The following MGAM variants were observed in gnomAD, a reference collection of about 807,000 sequenced individuals.
MGAM encodes maltase-glucoamylase.
MGAM carries 253 observed loss-of-function variants against 358.8 expected under a neutral mutation model. That is an observed-to-expected ratio of 0.71 (90% CI 0.64 to 0.78). The LOEUF (loss-of-function observed/expected upper bound fraction) is 0.78, where lower values mean the gene tolerates loss of function less well. Ranked by LOEUF, MGAM falls within the 30% of genes least tolerant of loss-of-function variation. MGAM has a pLI of 0.00. For missense variants in MGAM, 3,080 were observed against 3,432.6 expected (o/e 0.90, Z 2.57); for synonymous variants, 1,105 against 1,227.1 (o/e 0.90, Z 2.08).
intron 2 of MGAM, among the ~76,000 whole-genome samples, chr7:141,987,956 C>G (rs1803780863): frequency 6.6e-6 from 1 of 152,112 alleles, no homozygotes; most frequent in Admixed American, 6.5e-5. Flanking sequence ...CCTGCCTTAT[C>G]TTAAAGGATT....
chr7:142,070,206 AAAAG>A (rs201042045), intron 43 of MGAM, among the ~76,000 whole-genome samples: 1,725 of 144,712 alleles, frequency 0.012, 79 homozygotes, highest in African/African-American at 0.04. Context: ...AAAAAAAAAA[AAAAG>A]AAAGAGATGA....
At chr7:142,019,521 C>T (rs1806249024) in intron 4 of MGAM, among the ~76,000 whole-genome samples, 1 of 152,204 alleles carries the variant, frequency 6.6e-6, no homozygotes, top group African/African-American at 2.4e-5. Flanking sequence ...GTTGAGAGAC[C>T]ATGTCCTCTT....
intron 70 of MGAM, among the ~76,000 whole-genome samples, chr7:142,105,318 C>T (rs1816755713): frequency 6.6e-6 from 1 of 150,480 alleles, no homozygotes; most frequent in South Asian, 2.1e-4. Context: ...GACTGAGTCT[C>T]ACTCTGTTGC....
In MGAM at chr7:142,021,656, C is replaced by T; in HGVS notation, c.629C>T (p.Ala210Val). The T allele has an allele frequency of 1.2e-6, 2 of 1,613,946 alleles. No individual in the cohort carries two copies. The highest frequency in any genetic ancestry group is 1.7e-6 in the Non-Finnish European group (2 of 1,179,818). The change falls in exon 6 of 71, where the codon GCT becomes GTT. Residue 210 changes from alanine to valine, a missense_variant. Around this residue, in one of 5 missense-constraint regions of MGAM, gnomAD observed 1,816 missense variants for 1,840.5 expected, o/e 0.99. Coordinates refer to ENST00000475668, the MANE Select transcript of MGAM (RefSeq NM_001365693.1). ...GTGCAGTCCTTCAGTGGAAATGCTGCTGCTTCTTTGACCTACCAAGTTGAA... is the reference window on the plus strand; with the variant it reads ...GTGCAGTCCTTCAGTGGAAATGCTGTTGCTTCTTTGACCTACCAAGTTGAA... ...EHVQSFSGNA[A>V]ASLTYQVEIS...
chr7:142,072,517 G>A (rs957815217), intron 44 of MGAM, among the ~76,000 whole-genome samples: 1 of 146,310 alleles, frequency 6.8e-6, no homozygotes, highest in African/African-American at 2.4e-5. Flanking sequence ...AGCAGTGTTA[G>A]CATTTCAATA....
upstream of MGAM, among the ~76,000 whole-genome samples, chr7:141,990,881 T>A (rs1554447148): frequency 6.6e-6 from 1 of 152,176 alleles, no homozygotes; most frequent in African/African-American, 2.4e-5. Flanking sequence ...AGCTATGGCT[T>A]TGATTTCTTT....
At chr7:142,057,573 G>A (rs867797342) in intron 30 of MGAM, among the ~76,000 whole-genome samples, 3 of 147,962 alleles carry the variant, frequency 2.0e-5, no homozygotes, top group Non-Finnish European at 3.0e-5. Flanking sequence ...TGGTGGTGAC[G>A]GTAGTGAAGG....
chr7:142,060,368 G>A lies in MGAM; in HGVS notation c.4117G>A (p.Val1373Met). 1 of 1,614,070 alleles carries A rather than the reference G, an allele frequency of 6.2e-7. No individual in the cohort carries two copies. Among genetic ancestry groups the A allele is most frequent in the Non-Finnish European group, 8.5e-7 (1 of 1,179,878 alleles). Residue 1373 changes from valine to methionine, a missense_variant, in exon 34 of 71, where the codon GTG (valine) becomes ATG (methionine). Val to Met is a conservative substitution (Grantham distance 21). This residue lies in a region of MGAM where 1,816 missense variants were observed against 1,840.5 expected (regional missense o/e 0.99). Coordinates refer to ENST00000475668, the MANE Select transcript of MGAM (RefSeq NM_001365693.1). ...TGGGTCTCTAGACTGGGACAGCCAAGTGGAGGTAAAAGGGTGTTTGTAAAT... is the reference window on the plus strand; with the variant it reads ...TGGGTCTCTAGACTGGGACAGCCAAATGGAGGTAAAAGGGTGTTTGTAAAT... ...VNGSLDWDSQ[V>M]ELYRAYVAFP...
chr7:142,066,109 C>A (rs955361679), intron 40 of MGAM, among the ~76,000 whole-genome samples: 26 of 144,672 alleles, frequency 1.8e-4, no homozygotes, highest in Non-Finnish European at 3.4e-4. Context: ...GATAAAGGCA[C>A]ATCCCAGCGT....
intron 45 of MGAM, 120 bp from the exon 46 acceptor site, chr7:142,076,082 TA>T: frequency 1.3e-6 from 1 of 775,170 alleles, no homozygotes; most frequent in Admixed American, 2.0e-5. Flanking sequence ...TATTCATCCA[TA>T]AGGTAAAGGA....
chr7:142,076,407 A>AAAAGGAGGC, intron 46 of MGAM, 155 bp downstream of exon 46: 1 of 940,162 alleles, frequency 1.1e-6, no homozygotes, highest in South Asian at 1.3e-5. Flanking sequence ...CGATGTTTTC[A>AAAAGGAGGC]AAAGGAGGCA....
intron 68 of MGAM, among the ~76,000 whole-genome samples, 168 bp downstream of exon 68, chr7:142,101,058 A>C (rs959848863): frequency 3.9e-5 from 6 of 152,202 alleles, no homozygotes; most frequent in African/African-American, 9.6e-5. Context: ...TTTATTCCTC[A>C]TGTAAATGAA....
chr7:142,079,888 C>A (rs1814094772), intron 49 of MGAM, among the ~76,000 whole-genome samples: 1 of 146,424 alleles, frequency 6.8e-6, no homozygotes, highest in Non-Finnish European at 1.5e-5. Context: ...CTCATCATAG[C>A]ACTAGCATGT....
intron 45 of MGAM, 143 bp downstream of exon 45, chr7:142,074,316 C>T: frequency 1.5e-6 from 1 of 667,224 alleles, no homozygotes; most frequent in Non-Finnish European, 2.5e-6. Context: ...TTTCTGGTTG[C>T]ACCATTCAGG....
At chr7:142,049,787 A>G (rs1383386617) in intron 22 of MGAM, among the ~76,000 whole-genome samples, 3 of 152,220 alleles carry the variant, frequency 2.0e-5, no homozygotes, top group Non-Finnish European at 2.9e-5. Context: ...ATAATAAAAA[A>G]GATAAGAGAT....
intron 2 of MGAM, among the ~76,000 whole-genome samples, chr7:141,987,618 A>C (rs576687799): frequency 6.6e-5 from 10 of 150,736 alleles, no homozygotes; most frequent in African/African-American, 1.9e-4. Context: ...GGAGGAAATA[A>C]TGGGGGTTTC....
chr7:142,096,532 G>A, intron 65 of MGAM, 117 bp downstream of exon 65: 4 of 1,242,658 alleles, frequency 3.2e-6, no homozygotes, highest in Non-Finnish European at 4.6e-6. Context: ...TATTCTACCT[G>A]TGTCTCTTCC....
chr7:142,052,999 T>A lies in MGAM; in HGVS notation c.3159+15T>A. 2 of 1,612,436 alleles carry A rather than the reference T, an allele frequency of 1.2e-6. No individual in the cohort carries two copies. The highest frequency in any genetic ancestry group is 1.7e-6 in the Non-Finnish European group (2 of 1,178,670). On this transcript the variant is annotated intron_variant, in intron 26 of 70. Transcript: ENST00000475668. ...TGCAGTTCAAGGTAAACACAGTACA[T>A]GTATCAGGTAGTGATTAGACCCTTT...
At chr7:142,089,618 C>T (rs911662957) in intron 57 of MGAM, among the ~76,000 whole-genome samples, 2 of 145,312 alleles carry the variant, frequency 1.4e-5, no homozygotes, top group African/African-American at 2.4e-5. Flanking sequence ...TGGTGAAACC[C>T]CATCTTTACT....
Sources: allele counts gnomAD v4.1 joint callset (sites outside exome capture counted in the v4.1 genomes callset), GRCh38; gene constraint gnomAD v4.1.1; regional missense constraint gnomAD v4.1.1; transcripts MANE v1.5; gene names NCBI Gene and HGNC (gene_info 2026-07-23, HGNC 2026-07-21).